ATG7: variants seen among roughly 807,000 people sequenced by gnomAD.
ATG7 encodes autophagy related 7.
ATG7 carries 70 observed loss-of-function variants against 82.4 expected under a neutral mutation model. The observed-to-expected ratio is 0.85, with a 90% CI of 0.70 to 1.04. The LOEUF (loss-of-function observed/expected upper bound fraction) is 1.04, where lower values mean the gene tolerates loss of function less well. ATG7 is among the 50% of genes least tolerant of loss of function. ATG7 has a pLI of 0.00. For synonymous variants in ATG7, 287 were observed against 313.0 expected, an observed-to-expected ratio of 0.92 and a Z score of 0.88; for missense variants, 792 against 864.3, an observed-to-expected ratio of 0.92 and a Z score of 1.05.
chr3:11,376,897 C>A (rs1302835427), intron 18 of ATG7, among the ~76,000 whole-genome samples: 1 of 152,144 alleles, frequency 6.6e-6, no homozygotes, highest in African/African-American at 2.4e-5. Flanking sequence ...GACTACCACG[C>A]CCAGCTAATT....
chr3:11,440,525 C>G (rs929569319), intron 20 of ATG7, among the ~76,000 whole-genome samples: 1 of 149,404 alleles, frequency 6.7e-6, no homozygotes, highest in African/African-American at 2.5e-5. Context: ...GGGGTTTCAC[C>G]GTTTTAGCCG....
chr3:11,565,422 A>G, the ATG7 span, among the ~76,000 whole-genome samples: 1 of 152,284 alleles, frequency 6.6e-6, no homozygotes, highest in East Asian at 1.9e-4. The surrounding 1 kb of genome is among the most constrained non-coding windows in gnomAD (Gnocchi z 4.1). Context: ...TGCGTCCTAC[A>G]TGCAGGGCCC....
At chr3:11,333,128 T>G in intron 11 of ATG7, 35 bp downstream of exon 11, 1 of 1,513,138 alleles carries the variant, frequency 6.6e-7, no homozygotes, top group Non-Finnish European at 8.8e-7. Context: ...CATATAATTA[T>G]CATTTATCAG....
chr3:11,574,781 A>ATGTGTGTGTG, the ATG7 span, among the ~76,000 whole-genome samples: 1 of 120,948 alleles, frequency 8.3e-6, no homozygotes, highest in Non-Finnish European at 1.7e-5. Context: ...CAATTCAACT[A>ATGTGTGTGTG]TATATGTGTG....
In ATG7 at chr3:11,440,994, T is replaced by A. The variant is rs2083894026; in HGVS notation, c.2079+14068T>A. Among the ~76,000 whole-genome samples, 3 of 152,096 alleles carry A rather than the reference T, an allele frequency of 2.0e-5. No individual in the cohort carries two copies. In the South Asian group the frequency reaches 6.2e-4, roughly 32 times the overall value. ...CACTGTGCCTGGCCCCCATTTGCTTTTATTCAGCTATCTGGTGAAAAAAAT... is the reference window on the plus strand; with the variant it reads ...CACTGTGCCTGGCCCCCATTTGCTTATATTCAGCTATCTGGTGAAAAAAAT... On this transcript the variant is annotated intron_variant, in intron 20 of 20. Transcript: ENST00000693202.
intron 20 of ATG7, among the ~76,000 whole-genome samples, chr3:11,435,756 T>C (rs1055500163): frequency 6.6e-5 from 10 of 152,312 alleles, no homozygotes; most frequent in African/African-American, 2.4e-4. Context: ...TGATTAATAA[T>C]TCCTACTCCT....
chr3:11,548,639 A>G lies in ATG7; in HGVS notation c.2080-6172A>G, dbSNP rs925665227. Among the ~76,000 whole-genome samples, 90 of 152,296 alleles carry G rather than the reference A, an allele frequency of 5.9e-4. 1 individual carries two copies. The highest frequency in any genetic ancestry group is 1.4e-3 in the Admixed American group (21 of 15,298). Reference sequence around the variant, plus strand: ...AGGTGGTATGCTACAGATACTCTGCATTTCTTTCTTCTTTTCTTTCACTAA... The same window carrying G: ...AGGTGGTATGCTACAGATACTCTGCGTTTCTTTCTTCTTTTCTTTCACTAA... On this transcript the variant is annotated intron_variant, in intron 20 of 20. Coordinates refer to ENST00000693202, the MANE Select transcript of ATG7 (RefSeq NM_001349232.2).
Position 11,364,687 on chromosome 3 carries a change from G to A in ATG7, c.1828G>A (p.Asp610Asn), listed in dbSNP as rs1010940656. ...CTATGCCATTGCCAGCAGCAGTGAC[G>A]ATCGGATGAATGAGCCTCCAACCTC... is the stretch of plus-strand genomic sequence containing the variant. ...GGYAIASSSD[D>N]RMNEPPTSLG... Residue 610 changes from aspartate (D) to asparagine (N), a missense_variant, in exon 18 of 21, where the codon GAT becomes AAT. By Grantham distance (23) the Asp-to-Asn change is conservative (BLOSUM62 1). Transcript: ENST00000693202. 1.9e-6 allele frequency: 3 copies of A among 1,614,050 alleles called. No individual in the cohort carries two copies. Among genetic ancestry groups the A allele is most frequent in the Admixed American group, 1.7e-5 (1 of 60,004 alleles).
At chr3:11,300,420 A>G (rs1394501964) in intron 5 of ATG7, among the ~76,000 whole-genome samples, 1 of 152,198 alleles carries the variant, frequency 6.6e-6, no homozygotes, top group Non-Finnish European at 1.5e-5. Flanking sequence ...GTATTTATAA[A>G]TGTATTTCTG....
At chr3:11,358,313 A>G in intron 14 of ATG7, 105 bp from the exon 15 acceptor site, 1 of 1,135,204 alleles carries the variant, frequency 8.8e-7, no homozygotes. Context: ...GGGAGCTCTC[A>G]TGTATGTGAA....
chr3:11,366,748 C>G (rs1405124597), intron 18 of ATG7, among the ~76,000 whole-genome samples: 1 of 151,474 alleles, frequency 6.6e-6, no homozygotes, highest in East Asian at 1.9e-4. Context: ...TAGAAGGGGC[C>G]CAGTGTCAAA....
intron 20 of ATG7, among the ~76,000 whole-genome samples, chr3:11,514,780 G>A (rs994401306): frequency 8.6e-5 from 13 of 151,502 alleles, no homozygotes; most frequent in Non-Finnish European, 1.8e-4. Context: ...AAGGAGAAAA[G>A]AAAGAGAAGT....
chr3:11,509,661 T>A lies in ATG7; in HGVS notation c.2080-45150T>A, dbSNP rs147992896. ...TTTTTTTTGGCCACCCCTCCCCCAA[T>A]CTATCTCTAATTTTAAGATGTGATT... On this transcript the variant is annotated intron_variant, in intron 20 of 20. Transcript: ENST00000693202. 2.8e-3 allele frequency among the ~76,000 whole-genome samples: 429 copies of A among 152,050 alleles called. 3 individuals carry two copies. Among genetic ancestry groups the A allele is most frequent in the African/African-American group, 9.2e-3 (382 of 41,454 alleles).
intron 20 of ATG7, among the ~76,000 whole-genome samples, chr3:11,447,703 A>G (rs544985692): frequency 6.6e-6 from 1 of 152,222 alleles, no homozygotes; most frequent in East Asian, 1.9e-4. Flanking sequence ...AATCTTTCCT[A>G]GTGGCTCCAA....
chr3:11,436,138 C>G (rs551567849), intron 20 of ATG7, among the ~76,000 whole-genome samples: 1 of 152,052 alleles, frequency 6.6e-6, no homozygotes, highest in African/African-American at 2.4e-5. Context: ...ATACAGAACT[C>G]AATTAAAAAT....
At chr3:11,275,379 C>A (rs1941513440) in intron 1 of ATG7, among the ~76,000 whole-genome samples, 1 of 149,180 alleles carries the variant, frequency 6.7e-6, no homozygotes, top group Non-Finnish European at 1.5e-5. Context: ...GATGGAGTCT[C>A]ACTCTGTCGC....
chr3:11,417,804 TA>T (rs1294893067), intron 19 of ATG7, among the ~76,000 whole-genome samples: 41 of 43,156 alleles, frequency 9.5e-4, no homozygotes, highest in East Asian at 4.9e-3. Flanking sequence ...ATTATTATTT[TA>T]TTTTATTTTA....
intron 11 of ATG7, among the ~76,000 whole-genome samples, chr3:11,339,309 A>AAAAAG (rs71055864): frequency 1.3e-4 from 17 of 132,136 alleles, no homozygotes; most frequent in African/African-American, 4.0e-4. Context: ...AAAAAAAAAA[A>AAAAAG]AAAAGAAAAG....
At chr3:11,357,013 A>C (rs1199638375) in intron 14 of ATG7, among the ~76,000 whole-genome samples, 2 of 152,084 alleles carry the variant, frequency 1.3e-5, no homozygotes, top group African/African-American at 4.8e-5. Flanking sequence ...TCCAGAGATT[A>C]GGTTTAAAGT....
Sources: gnomAD v4.1 joint callset for allele counts (sites outside exome capture counted in the v4.1 genomes callset) on GRCh38, gnomAD v4.1.1 for gene constraint, Gnocchi (gnomAD v3.1) non-coding constraint, MANE v1.5 for transcripts, NCBI Gene and HGNC (gene_info 2026-07-23, HGNC 2026-07-21) for gene names.